CDCA2: variants seen among roughly 807,000 people sequenced by gnomAD.
CDCA2 encodes the protein cell division cycle associated 2.
Under a neutral mutation model 67.0 loss-of-function variants are expected in CDCA2, and 44 were observed. The observed-to-expected ratio is 0.66, with a 90% CI of 0.52 to 0.84. CDCA2 has a LOEUF of 0.84. Among genes scored for constraint, CDCA2 ranks in the 40% least tolerant of loss-of-function variants. CDCA2 has a pLI of 0.00. For synonymous variants in CDCA2, 447 were observed against 418.7 expected (o/e 1.07, Z -0.82); for missense variants, 1,253 against 1,203.2 (o/e 1.04, Z -0.61).
chr8:25,497,353 T>TAC (rs1804264303), intron 13 of CDCA2, among the ~76,000 whole-genome samples: 1 of 152,072 alleles, frequency 6.6e-6, no homozygotes, highest in African/African-American at 2.4e-5. Context: ...AATATGTGTG[T>TAC]ACACACACAA....
In CDCA2 at chr8:25,497,150, A is replaced by G. The variant is rs186970404; in HGVS notation, c.1672-6223A>G. ...AGTTGTTTATGACACAGTGACTCCA[A>G]ATAATCCATTTTCACAAGCCATTGT... On this transcript the variant is annotated intron_variant, in intron 13 of 14. Transcript: ENST00000330560. Among the ~76,000 whole-genome samples the G allele has an allele frequency of 7.2e-4, 110 of 152,216 alleles. 2 individuals carry two copies. The highest frequency in any genetic ancestry group is 5.8e-4 in the East Asian group (3 of 5,168).
intron 11 of CDCA2, 36 bp downstream of exon 11, chr8:25,485,873 T>G: frequency 1.7e-6 from 2 of 1,210,830 alleles, no homozygotes; most frequent in Non-Finnish European, 2.4e-6. Context: ...ATAAATGTCA[T>G]TTTTTATATG....
chr8:25,466,539 A>G (rs533267638), intron 5 of CDCA2, among the ~76,000 whole-genome samples: 1 of 152,320 alleles, frequency 6.6e-6, no homozygotes, highest in African/African-American at 2.4e-5. Context: ...TCCTAATCCT[A>G]CATTTCCGCA....
chr8:25,478,884 G>GTATA (rs1395153332), intron 7 of CDCA2, among the ~76,000 whole-genome samples: 82 of 117,564 alleles, frequency 7.0e-4, no homozygotes, highest in South Asian at 2.1e-3. Context: ...CTTGTTGTGT[G>GTATA]TGTGTATATA....
At position 25,503,414 on chromosome 8, in the gene CDCA2, A is replaced by G. The variant is rs774292512; in HGVS notation, c.1713A>G (p.Lys571=). Residue 571 remains lysine, a synonymous_variant, in exon 14 of 15, where the codon AAA becomes AAG. Transcript: ENST00000330560. The stretch of plus-strand genomic sequence containing the variant: ...GAAAGAAGAAAGGAAAGGGAAAGAA[A>G]AGTGTTCAGAAATCTTTATATGGGG... ...SCRKKKGKGK[K]SVQKSLYGER... is the part of the protein sequence containing the mutation. The G allele has an allele frequency of 1.9e-5, 31 of 1,614,004 alleles. No individual in the cohort carries two copies. Among genetic ancestry groups the G allele is most frequent in the Non-Finnish European group, 5.1e-6 (6 of 1,179,976 alleles).
At chr8:25,484,578 AG>A (rs1353457855) in intron 10 of CDCA2, among the ~76,000 whole-genome samples, 1 of 148,924 alleles carries the variant, frequency 6.7e-6, no homozygotes, top group African/African-American at 2.5e-5. Flanking sequence ...AGAAAACTCT[AG>A]GTATAGATGA....
chr8:25,503,526 A>G lies in CDCA2; in HGVS notation c.1825A>G (p.Ile609Val). ...TGAGATGACACCTTCCATTCCGAGC[A>G]TCCGAAGACTGGGTTCAGGTATCCT... ...VPEMTPSIPS[I>V]RRLGSGYFSS... Residue 609 changes from isoleucine to valine, a missense_variant, in exon 14 of 15, where the codon ATC becomes GTC. Ile to Val is a conservative substitution (Grantham distance 29). Coordinates refer to ENST00000330560, the MANE Select transcript of CDCA2 (RefSeq NM_152562.4). 1.9e-6 allele frequency: 3 copies of G among 1,609,336 alleles called. No homozygotes were observed. The highest frequency in any genetic ancestry group is 2.5e-6 in the Non-Finnish European group (3 of 1,178,860).
rs893239901 is a variant in CDCA2 at position 25,459,398 on chromosome 8, G to T, written c.-76G>T. ...GAGCCGGGGTCTGGAAGGAGCGGCC[G>T]ACGCGACGCTCGCCTGCCACGGGGC... On this transcript the variant is annotated 5_prime_UTR_variant, in exon 1 of 15. Coordinates refer to ENST00000330560, the MANE Select transcript of CDCA2 (RefSeq NM_152562.4). The T allele has an allele frequency of 3.9e-5, 6 of 152,280 alleles. No homozygotes were observed. The highest frequency in any genetic ancestry group is 1.4e-4 in the African/African-American group (6 of 41,464). The allele number at this position is 152,280 out of a possible 1,614,324, so 9.4% of individuals were successfully genotyped here. A position where few individuals can be genotyped will look rare whatever the true frequency, so the allele number is the denominator to read the frequency against.
intron 13 of CDCA2, among the ~76,000 whole-genome samples, chr8:25,499,331 G>GTC (rs1338535972): frequency 8.5e-6 from 1 of 117,588 alleles, no homozygotes; most frequent in African/African-American, 3.3e-5. Flanking sequence ...TTGAGACAGA[G>GTC]TCTCTCTCTG....
chr8:25,504,545 C>T (rs1044841213), intron 14 of CDCA2, among the ~76,000 whole-genome samples: 6 of 152,080 alleles, frequency 3.9e-5, no homozygotes, highest in Non-Finnish European at 8.8e-5. Context: ...TGCGGTATAC[C>T]ATACAAGATT....
At chr8:25,485,711 A>G (rs919519718) in intron 10 of CDCA2, 48 bp from the exon 11 acceptor site, 3 of 1,086,692 alleles carry the variant, frequency 2.8e-6, no homozygotes, top group East Asian at 4.8e-5. Flanking sequence ...CACATTATGT[A>G]TTCACTGCAT....
chr8:25,500,625 G>A (rs1180016882), intron 13 of CDCA2, among the ~76,000 whole-genome samples: 3 of 152,088 alleles, frequency 2.0e-5, no homozygotes, highest in Non-Finnish European at 2.9e-5. Flanking sequence ...TCCTGCCTCA[G>A]CCTCCTGAGG....
At chr8:25,489,531 C>T (rs920772226) in intron 13 of CDCA2, among the ~76,000 whole-genome samples, 7 of 152,200 alleles carry the variant, frequency 4.6e-5, no homozygotes, top group Non-Finnish European at 7.3e-5. Flanking sequence ...TTCCATCTGA[C>T]ATAGCCCCTA....
chr8:25,501,842 G>A (rs766662035), intron 13 of CDCA2, among the ~76,000 whole-genome samples: 4 of 152,180 alleles, frequency 2.6e-5, no homozygotes, highest in Non-Finnish European at 5.9e-5. Context: ...GCACACAGCA[G>A]TCTCAATAAA....
chr8:25,471,257 A>G (rs1246405367), intron 7 of CDCA2, among the ~76,000 whole-genome samples: 2 of 152,222 alleles, frequency 1.3e-5, no homozygotes, highest in African/African-American at 4.8e-5. Context: ...TAATCATAAG[A>G]TAAATGGGTG....
intron 7 of CDCA2, among the ~76,000 whole-genome samples, chr8:25,477,954 A>G (rs368676312): frequency 1.4e-4 from 20 of 144,686 alleles, no homozygotes; most frequent in Admixed American, 1.3e-3. Flanking sequence ...CTTAAGTTAG[A>G]GTCTCGCTGT....
chr8:25,487,723 G>T (rs1372870183), intron 12 of CDCA2, among the ~76,000 whole-genome samples: 2 of 152,060 alleles, frequency 1.3e-5, no homozygotes, highest in African/African-American at 4.8e-5. Flanking sequence ...AGCCTGGGCG[G>T]AGTGAGACTC....
chr8:25,477,118 A>T (rs1392996670), intron 7 of CDCA2, among the ~76,000 whole-genome samples: 1 of 152,082 alleles, frequency 6.6e-6, no homozygotes, highest in Non-Finnish European at 1.5e-5. Context: ...TCCAGCTCCA[A>T]ATAGGCCTTG....
At chr8:25,462,623 C>CAAA (rs58705872) in intron 4 of CDCA2, among the ~76,000 whole-genome samples, 33 of 102,024 alleles carry the variant, frequency 3.2e-4, no homozygotes, top group African/African-American at 1.1e-3. Context: ...GAGACTGTCT[C>CAAA]AAAAAAAAAA....
Sources: allele counts gnomAD v4.1 joint callset (sites outside exome capture counted in the v4.1 genomes callset), GRCh38; gene constraint gnomAD v4.1.1; transcripts MANE v1.5; gene names NCBI Gene and HGNC (gene_info 2026-07-23, HGNC 2026-07-21).